AGPS: variants seen among roughly 807,000 people sequenced by gnomAD.
The protein encoded by AGPS is alkyldihydroxyacetonephosphate synthase, peroxisomal.
AGPS carries 26 observed loss-of-function variants against 90.7 expected under a neutral mutation model. The ratio of observed to expected loss-of-function variants is 0.29; its 90% CI spans 0.21 to 0.40. The LOEUF is 0.40. Among genes scored for constraint, AGPS ranks in the 10% least tolerant of loss-of-function variants. The pLI is 1.00. For missense variants in AGPS, 540 were observed against 816.1 expected (o/e 0.66, Z 4.12); for synonymous variants, 294 against 285.3 (o/e 1.03, Z -0.31).
chr2:177,500,555 T>C (rs78621294), intron 14 of AGPS, among the ~76,000 whole-genome samples: 25 of 146,912 alleles, frequency 1.7e-4, no homozygotes, highest in African/African-American at 6.2e-4. Context: ...CTTTTATGTA[T>C]TTTTTTTCAT....
rs187354423 is a variant in AGPS, at chr2:177,539,018, T to A, written c.*823T>A. The A allele has an allele frequency of 1.2e-4, 18 of 152,190 alleles. No individual in the cohort carries two copies. Among genetic ancestry groups the A allele is most frequent in the Non-Finnish European group, 2.4e-4 (16 of 67,944 alleles). 9.4% of individuals were successfully genotyped at this position (152,190 alleles called of 1,614,324 possible). A position where few individuals can be genotyped will look rare whatever the true frequency, so the allele number is the denominator to read the frequency against. On this transcript the variant is annotated 3_prime_UTR_variant, in exon 20 of 20. Coordinates refer to ENST00000264167, the MANE Select transcript of AGPS (RefSeq NM_003659.4). The stretch of plus-strand genomic sequence containing the variant: ...GAGTCCTAATGTTTCTGATTTCACA[T>A]TCTTGTTGCTGAAATGCAGAAGAAA...
At chr2:177,445,522 G>T (rs1289619716) in intron 7 of AGPS, 24 bp from the exon 8 acceptor site, 1 of 1,586,146 alleles carries the variant, frequency 6.3e-7, no homozygotes. Flanking sequence ...CTGGAGATCA[G>T]ATTTCTTTCT....
intron 11 of AGPS, among the ~76,000 whole-genome samples, chr2:177,489,409 T>C (rs890819613): frequency 4.6e-5 from 7 of 151,986 alleles, no homozygotes; most frequent in Non-Finnish European, 7.3e-5. Flanking sequence ...AATAAAATGA[T>C]AGGATTGAGA....
At chr2:177,399,780 G>A (rs761378904) in intron 1 of AGPS, among the ~76,000 whole-genome samples, 26 of 152,302 alleles carry the variant, frequency 1.7e-4, no homozygotes, top group Non-Finnish European at 3.4e-4. Context: ...CTTCCACCAG[G>A]ATAACCACTA....
chr2:177,457,808 A>G (rs1687164215), intron 8 of AGPS, among the ~76,000 whole-genome samples: 1 of 152,226 alleles, frequency 6.6e-6, no homozygotes, highest in Non-Finnish European at 1.5e-5. Context: ...CAATAGAAAA[A>G]GAGGGACTCC....
At chr2:177,454,711 C>T (rs1027607172) in intron 8 of AGPS, among the ~76,000 whole-genome samples, 14 of 151,690 alleles carry the variant, frequency 9.2e-5, no homozygotes, top group African/African-American at 3.4e-4. Flanking sequence ...AGCTTTTCTC[C>T]TGGGATGCAC....
intron 8 of AGPS, among the ~76,000 whole-genome samples, chr2:177,451,906 T>G (rs1242233674): frequency 1.3e-5 from 2 of 152,144 alleles, no homozygotes; most frequent in Admixed American, 6.5e-5. Flanking sequence ...TGAAAATATT[T>G]TCTACTTCTT....
chr2:177,415,052 G>T (rs1685746879), intron 1 of AGPS, among the ~76,000 whole-genome samples: 1 of 151,880 alleles, frequency 6.6e-6, no homozygotes, highest in Non-Finnish European at 1.5e-5. Context: ...TCCCTTAAAT[G>T]CTGTTTTACT....
chr2:177,531,657 T>G (rs1166058764), intron 19 of AGPS, among the ~76,000 whole-genome samples: 1 of 152,144 alleles, frequency 6.6e-6, no homozygotes, highest in Non-Finnish European at 1.5e-5. Context: ...ATTCTAAAAT[T>G]TATATGGTAA....
At chr2:177,494,908 G>A (rs1285358449) in intron 12 of AGPS, among the ~76,000 whole-genome samples, 2 of 152,116 alleles carry the variant, frequency 1.3e-5, no homozygotes, top group Non-Finnish European at 2.9e-5. Context: ...AAGCAAAAGA[G>A]GAAATAATGC....
intron 8 of AGPS, among the ~76,000 whole-genome samples, chr2:177,449,725 C>T (rs1686878404): frequency 6.6e-6 from 1 of 152,124 alleles, no homozygotes; most frequent in Admixed American, 6.5e-5. Flanking sequence ...CTGTGTCTGG[C>T]CTCATTGTAG....
intron 11 of AGPS, among the ~76,000 whole-genome samples, chr2:177,490,991 G>A (rs574400284): frequency 1.3e-5 from 2 of 151,718 alleles, no homozygotes; most frequent in Middle Eastern, 6.8e-3. Context: ...AAGTAGCTGG[G>A]ATTACAGGCA....
At chr2:177,443,585 G>A (rs1235914947) in intron 7 of AGPS, among the ~76,000 whole-genome samples, 2 of 152,134 alleles carry the variant, frequency 1.3e-5, no homozygotes, top group African/African-American at 2.4e-5. Flanking sequence ...AGATGGTAAT[G>A]TGCTTTTAAA....
At chr2:177,482,455 A>ATCT (rs1687973471) in intron 11 of AGPS, among the ~76,000 whole-genome samples, 3 of 151,920 alleles carry the variant, frequency 2.0e-5, no homozygotes, top group Non-Finnish European at 4.4e-5. Flanking sequence ...CCAAGGTAAG[A>ATCT]TAGTACTTTG....
At chr2:177,400,520 C>G (rs1286535354) in intron 1 of AGPS, among the ~76,000 whole-genome samples, 2 of 152,146 alleles carry the variant, frequency 1.3e-5, no homozygotes, top group Non-Finnish European at 2.9e-5. Context: ...TTGAAAAAAA[C>G]TGCTACTATT....
At chr2:177,414,814 T>C (rs1432594674) in intron 1 of AGPS, among the ~76,000 whole-genome samples, 1 of 151,850 alleles carries the variant, frequency 6.6e-6, no homozygotes, top group Non-Finnish European at 1.5e-5. Flanking sequence ...TTTTAATGTA[T>C]GGTATTTGTG....
At chr2:177,477,555 A>G (rs1203415333) in intron 10 of AGPS, among the ~76,000 whole-genome samples, 5 of 152,138 alleles carry the variant, frequency 3.3e-5, no homozygotes, top group Non-Finnish European at 5.9e-5. Flanking sequence ...TGGATTTGGG[A>G]TGCTCAACTG....
At chr2:177,418,075 A>G (rs1017951414) in intron 1 of AGPS, among the ~76,000 whole-genome samples, 4 of 152,156 alleles carry the variant, frequency 2.6e-5, no homozygotes, top group African/African-American at 9.6e-5. Flanking sequence ...AAATGCCTAC[A>G]TTCAACTTCT....
At chr2:177,507,469 C>T (rs1688747867) in intron 15 of AGPS, among the ~76,000 whole-genome samples, 1 of 152,132 alleles carries the variant, frequency 6.6e-6, no homozygotes, top group South Asian at 2.1e-4. Flanking sequence ...GATAGCTGCA[C>T]TATATTACTA....
Sources: gnomAD v4.1 joint callset for allele counts (sites outside exome capture counted in the v4.1 genomes callset) on GRCh38, gnomAD v4.1.1 for gene constraint, MANE v1.5 for transcripts, NCBI Gene and HGNC (gene_info 2026-07-23, HGNC 2026-07-21) for gene names.